Variants in MICU2 observed in about 807,000 individuals in gnomAD.
MICU2 encodes the protein mitochondrial calcium uptake 2.
In MICU2, 64 loss-of-function variants were observed where a neutral mutation model predicts 60.4. That is an observed-to-expected ratio of 1.06 (90% CI 0.87 to 1.31). The LOEUF is 1.31. Among genes scored for constraint, MICU2 ranks in the 50% most tolerant of loss-of-function variants. MICU2 has a pLI of 0.00. For missense variants in MICU2, 569 were observed against 531.0 expected (o/e 1.07, Z -0.70); for synonymous variants, 201 against 175.0 (o/e 1.15, Z -1.17).
At chr13:21,514,837 A>G (rs1316061466) in intron 6 of MICU2, among the ~76,000 whole-genome samples, 1 of 151,614 alleles carries the variant, frequency 6.6e-6, no homozygotes, top group African/African-American at 2.4e-5. Context: ...ACCACCTTAA[A>G]TTTTTTCTAA....
At chr13:21,516,094 A>G (rs2138156952) in intron 6 of MICU2, among the ~76,000 whole-genome samples, 1 of 152,242 alleles carries the variant, frequency 6.6e-6, no homozygotes, top group East Asian at 1.9e-4. Flanking sequence ...CTATACCTCT[A>G]CCTGCTCCCT....
intron 1 of MICU2, among the ~76,000 whole-genome samples, chr13:21,594,549 A>G (rs1566172211): frequency 6.6e-6 from 1 of 152,190 alleles, no homozygotes; most frequent in East Asian, 1.9e-4. Flanking sequence ...AAGGAATATA[A>G]ATCATTCTAC....
chr13:21,500,891 T>C (rs991560382), intron 9 of MICU2, among the ~76,000 whole-genome samples: 3 of 152,224 alleles, frequency 2.0e-5, no homozygotes, highest in African/African-American at 4.8e-5. Flanking sequence ...AAGTTTTCTT[T>C]GAAAGGTTTT....
At chr13:21,528,723 T>C (rs1004473428) in intron 4 of MICU2, among the ~76,000 whole-genome samples, 1 of 152,236 alleles carries the variant, frequency 6.6e-6, no homozygotes, top group Non-Finnish European at 1.5e-5. Flanking sequence ...TCTAAGAAGT[T>C]AGCAGATGAC....
In MICU2 at chr13:21,514,196, C is replaced by T. The variant is rs368091145; in HGVS notation, c.663+157G>A. On this transcript the variant is annotated intron_variant, in intron 7 of 11. Transcript: ENST00000382374. ...TATTGTTCAGACCACCACGTATATG[C>T]AGTCTGTTGTTGACTGAAAAGTTAT... Among the ~76,000 whole-genome samples, 336 of 152,306 alleles carry T rather than the reference C, an allele frequency of 2.2e-3. 1 individual carries two copies. The highest frequency in any genetic ancestry group is 7.8e-3 in the African/African-American group (326 of 41,558).
intron 2 of MICU2, among the ~76,000 whole-genome samples, chr13:21,552,632 T>A (rs1442535801): frequency 6.6e-6 from 1 of 152,232 alleles, no homozygotes; most frequent in East Asian, 1.9e-4. Flanking sequence ...GGATCCAGTT[T>A]CAGCTTTCTA....
At chr13:21,545,434 A>ACTTTGGG (rs2138009616) in intron 2 of MICU2, among the ~76,000 whole-genome samples, 2 of 152,314 alleles carry the variant, frequency 1.3e-5, no homozygotes, top group South Asian at 4.1e-4. Flanking sequence ...TAATCCCAGC[A>ACTTTGGG]CTTTGGGAGG....
At chr13:21,600,660 C>A (rs910145973) in intron 1 of MICU2, among the ~76,000 whole-genome samples, 2 of 152,114 alleles carry the variant, frequency 1.3e-5, no homozygotes, top group Non-Finnish European at 2.9e-5. Flanking sequence ...CCTTAATTCC[C>A]GACTGACCCT....
At chr13:21,514,270 T>C (rs983852540) in intron 7 of MICU2, 83 bp downstream of exon 7, 5 of 1,171,282 alleles carry the variant, frequency 4.3e-6, no homozygotes, top group Admixed American at 4.3e-5. Flanking sequence ...ACCAAATCTA[T>C]TGGTAACTAT....
At chr13:21,534,578 A>G (rs368315331) in intron 4 of MICU2, among the ~76,000 whole-genome samples, 26 of 152,312 alleles carry the variant, frequency 1.7e-4, no homozygotes, top group East Asian at 1.5e-3. Context: ...ATTTAAAAAA[A>G]CACGTAGTCT....
intron 1 of MICU2, among the ~76,000 whole-genome samples, chr13:21,596,785 C>T (rs758111811): frequency 6.6e-4 from 100 of 152,276 alleles, no homozygotes; most frequent in Non-Finnish European, 1.1e-3. Context: ...TAAACCAAAG[C>T]CATTCTCTTG....
At chr13:21,561,553 C>A (rs1470864800) in intron 2 of MICU2, among the ~76,000 whole-genome samples, 1 of 151,474 alleles carries the variant, frequency 6.6e-6, no homozygotes, top group Non-Finnish European at 1.5e-5. Context: ...AAAAAAATTA[C>A]TACGCAATGC....
At position 21,539,534 on chromosome 13, in the gene MICU2, G is replaced by A. The variant is rs540482215; in HGVS notation, c.390+123C>T. 3.3e-5 allele frequency: 45 copies of A among 1,371,098 alleles called. No individual in the cohort carries two copies. The Admixed American group carries it at 3.5e-4, about 11-fold the overall frequency. The allele number at this position is 1,371,098 out of a possible 1,614,324, so 84.9% of individuals were successfully genotyped here. On this transcript the variant is annotated intron_variant, in intron 3 of 11. Transcript: ENST00000382374. ...GCCAGGATGGTGATCTCCTGACCTC[G>A]TGATCCGCCCACCTTGGCCTCCCAA... is the stretch of plus-strand genomic sequence containing the variant.
At chr13:21,588,979 A>G (rs1321731339) in intron 1 of MICU2, among the ~76,000 whole-genome samples, 1 of 152,232 alleles carries the variant, frequency 6.6e-6, no homozygotes, top group Non-Finnish European at 1.5e-5. Context: ...TAACTACACT[A>G]AAAATGCTAT....
chr13:21,551,332 G>A (rs1038435969), intron 2 of MICU2: 5 of 152,394 alleles, frequency 3.3e-5, no homozygotes, highest in South Asian at 2.1e-4. Context: ...ACGAATTTAC[G>A]TGTCATCCTT....
intron 1 of MICU2, among the ~76,000 whole-genome samples, chr13:21,567,623 T>C (rs1159250894): frequency 1.3e-5 from 2 of 152,122 alleles, no homozygotes; most frequent in Admixed American, 6.5e-5. Context: ...GCAGAATATA[T>C]AGGAATATGG....
At chr13:21,506,195 T>A (rs1886287967) in intron 8 of MICU2, among the ~76,000 whole-genome samples, 1 of 152,056 alleles carries the variant, frequency 6.6e-6, no homozygotes. Context: ...CCCATCTCTT[T>A]TGTAAAGATG....
Position 21,493,288 on chromosome 13 carries a change from T to TA in MICU2, c.1265dup (p.Glu424ArgfsTer30), listed in dbSNP as rs1719362913. Reference sequence around the variant, plus strand: ...TTCCAGCTTGTTTCCAGACTTCTTTTACTCCTTTAATGCTTTCTTTCTTCA... The same window carrying TA: ...TTCCAGCTTGTTTCCAGACTTCTTTTAACTCCTTTAATGCTTTCTTTCTTCA... On this transcript the variant is annotated frameshift_variant, in exon 12 of 12. Transcript: ENST00000382374. LOFTEE classifies it high-confidence loss of function. 6.2e-7 allele frequency: 1 copy of TA among 1,611,254 alleles called. No homozygotes were observed. The highest frequency in any genetic ancestry group is 1.7e-5 in the Admixed American group (1 of 59,604).
At chr13:21,502,778 A>G in intron 9 of MICU2, 148 bp downstream of exon 9, 1 of 682,952 alleles carries the variant, frequency 1.5e-6, no homozygotes, top group African/African-American at 1.8e-5. Context: ...CCTTTACAGG[A>G]GAAGAGCATG....
Sources: allele counts gnomAD v4.1 joint callset (sites outside exome capture counted in the v4.1 genomes callset), GRCh38; gene constraint gnomAD v4.1.1; transcripts MANE v1.5; gene names NCBI Gene and HGNC (gene_info 2026-07-23, HGNC 2026-07-21).